The following CFAP96 variants were observed in gnomAD, a reference collection of about 807,000 sequenced individuals.
CFAP96 encodes cilia and flagella associated protein 96.
the CFAP96 span, among the ~76,000 whole-genome samples, chr4:185,446,588 C>G: frequency 0.85 from 129,177 of 152,116 alleles, 55,769 homozygotes; most frequent in East Asian, 0.99. Flanking sequence ...GCATCTTAAG[C>G]TTTATATCAA....
At chr4:185,426,140 T>A in the CFAP96 span, 7,138 of 532,660 alleles carry the variant, frequency 0.013, 245 homozygotes, top group East Asian at 0.083. Flanking sequence ...CTTCTGTGTG[T>A]TCTTCGATGC....
At chr4:185,437,634 G>T in the CFAP96 span, among the ~76,000 whole-genome samples, 2 of 152,208 alleles carry the variant, frequency 1.3e-5, no homozygotes, top group East Asian at 3.9e-4. Flanking sequence ...TTATAAAATT[G>T]TATATAAGCT....
the CFAP96 span, among the ~76,000 whole-genome samples, chr4:185,412,322 A>G: frequency 6.6e-6 from 1 of 152,142 alleles, no homozygotes; most frequent in Non-Finnish European, 1.5e-5. Context: ...CTTTCTATGG[A>G]AGCTGGTTGG....
At chr4:185,431,661 C>T in the CFAP96 span, among the ~76,000 whole-genome samples, 1 of 152,350 alleles carries the variant, frequency 6.6e-6, no homozygotes, top group East Asian at 1.9e-4. Context: ...CGCGCACACC[C>T]TTACTGACAT....
the CFAP96 span, among the ~76,000 whole-genome samples, chr4:185,443,340 A>ATTTTTTT: frequency 6.0e-4 from 17 of 28,472 alleles, no homozygotes; most frequent in African/African-American, 1.4e-3. Context: ...ATATATATAT[A>ATTTTTTT]TATTTTTTTT....
chr4:185,431,679 A>G, the CFAP96 span, among the ~76,000 whole-genome samples: 2 of 152,204 alleles, frequency 1.3e-5, no homozygotes, highest in Non-Finnish European at 2.9e-5. Context: ...CATCTCACAC[A>G]GTGCTTTCTA....
chr4:185,419,410 A>G, the CFAP96 span, among the ~76,000 whole-genome samples: 151,220 of 152,298 alleles, frequency 0.99, 75,081 homozygotes, highest in East Asian at 1. Context: ...GATTACAGGC[A>G]TGAGCCACCG....
At chr4:185,419,992 T>C in the CFAP96 span, among the ~76,000 whole-genome samples, 1 of 152,254 alleles carries the variant, frequency 6.6e-6, no homozygotes, top group Non-Finnish European at 1.5e-5. Context: ...ACTGCCAAGC[T>C]GTTTTCAGCA....
At chr4:185,428,607 A>T in the CFAP96 span, among the ~76,000 whole-genome samples, 1 of 151,962 alleles carries the variant, frequency 6.6e-6, no homozygotes, top group Non-Finnish European at 1.5e-5. Context: ...ACTCTGTCTT[A>T]AAACAATTAA....
At chr4:185,437,347 A>G in the CFAP96 span, among the ~76,000 whole-genome samples, 1 of 152,262 alleles carries the variant, frequency 6.6e-6, no homozygotes, top group Admixed American at 6.5e-5. Context: ...ACCCTTATAA[A>G]TCTTAGAACC....
the CFAP96 span, chr4:185,422,544 T>A: frequency 1.9e-6 from 3 of 1,608,390 alleles, no homozygotes; most frequent in Non-Finnish European, 2.5e-6. Flanking sequence ...GAAGAGTATA[T>A]CCATACTTTC....
the CFAP96 span, among the ~76,000 whole-genome samples, chr4:185,431,125 G>T: frequency 1.3e-5 from 2 of 150,686 alleles, no homozygotes. Context: ...CAGGAGAATC[G>T]CTTGAACCTG....
At chr4:185,414,576 G>A in the CFAP96 span, among the ~76,000 whole-genome samples, 1 of 152,124 alleles carries the variant, frequency 6.6e-6, no homozygotes, top group Non-Finnish European at 1.5e-5. Flanking sequence ...CAGAAATTAG[G>A]AAGATGCTCC....
At chr4:185,425,098 A>C in the CFAP96 span, among the ~76,000 whole-genome samples, 1 of 152,354 alleles carries the variant, frequency 6.6e-6, no homozygotes, top group Non-Finnish European at 1.5e-5. Context: ...CAGTGACAAC[A>C]GACAGACATT....
At chr4:185,417,674 G>A in the CFAP96 span, among the ~76,000 whole-genome samples, 1 of 152,136 alleles carries the variant, frequency 6.6e-6, no homozygotes, top group South Asian at 2.1e-4. Flanking sequence ...CCTTGAAGAC[G>A]CATCTCCATT....
chr4:185,440,663 G>T, the CFAP96 span: 1 of 1,507,260 alleles, frequency 6.6e-7, no homozygotes, highest in Non-Finnish European at 9.0e-7. Flanking sequence ...AATTAAAAAA[G>T]AAGAGAAGAA....
the CFAP96 span, among the ~76,000 whole-genome samples, chr4:185,411,386 G>T: frequency 1.3e-5 from 2 of 151,806 alleles, no homozygotes; most frequent in African/African-American, 2.4e-5. Flanking sequence ...ACTAAAAAAG[G>T]AACATTAACC....
the CFAP96 span, chr4:185,415,395 C>A: frequency 1.4e-6 from 2 of 1,449,124 alleles, no homozygotes; most frequent in East Asian, 2.4e-5. Flanking sequence ...ATAGTGACTA[C>A]AATAAAGAAA....
At chr4:185,423,779 G>A in the CFAP96 span, among the ~76,000 whole-genome samples, 3 of 151,768 alleles carry the variant, frequency 2.0e-5, no homozygotes, top group African/African-American at 4.8e-5. Context: ...TACACACACA[G>A]ATACACATAT....
Sources: gnomAD v4.1 joint callset for allele counts (sites outside exome capture counted in the v4.1 genomes callset) on GRCh38, gnomAD v4.1.1 for gene constraint, MANE v1.5 for transcripts, NCBI Gene and HGNC (gene_info 2026-07-23, HGNC 2026-07-21) for gene names.